The following RASGRP3 variants were observed in gnomAD, a reference collection of about 807,000 sequenced individuals.
The protein encoded by RASGRP3 is RAS guanyl releasing protein 3.
Under a neutral mutation model 82.7 loss-of-function variants are expected in RASGRP3, and 54 were observed. The observed-to-expected ratio is 0.65, with a 90% CI of 0.52 to 0.82. The LOEUF (loss-of-function observed/expected upper bound fraction) is 0.82, where lower values mean the gene tolerates loss of function less well. Among genes scored for constraint, RASGRP3 ranks in the 40% least tolerant of loss-of-function variants. The pLI is 0.00. For synonymous variants in RASGRP3, 309 were observed against 300.5 expected (o/e 1.03, Z -0.29); for missense variants, 861 against 828.9 (o/e 1.04, Z -0.48).
At position 33,535,470 on chromosome 2, in the gene RASGRP3, T is replaced by C. The variant is rs144163985; in HGVS notation, c.1161+1070T>C. Among the ~76,000 whole-genome samples, 263 of 152,352 alleles carry C rather than the reference T, an allele frequency of 1.7e-3. 1 individual carries two copies. Among genetic ancestry groups the C allele is most frequent in the African/African-American group, 6.1e-3 (255 of 41,574 alleles). On this transcript the variant is annotated intron_variant, in intron 11 of 17. Transcript: ENST00000403687. The stretch of plus-strand genomic sequence containing the variant: ...CTTACCAGCTGAACTCTGTAACATA[T>C]TGGCAGTGACTATGCCCCCTAAGTT...
chr2:33,533,013 A>G (rs574294009), intron 10 of RASGRP3: 6 of 152,134 alleles, frequency 3.9e-5, no homozygotes, highest in African/African-American at 2.4e-5. Flanking sequence ...TTTCCCCCAC[A>G]CTCCACCTCA....
At chr2:33,555,448 C>T in intron 14 of RASGRP3, 83 bp from the exon 15 acceptor site, 3 of 1,261,644 alleles carry the variant, frequency 2.4e-6, no homozygotes, top group Non-Finnish European at 3.4e-6. Flanking sequence ...CCTGAAGCTT[C>T]CCAGGACTTC....
chr2:33,552,424 C>T (rs1229312039), intron 14 of RASGRP3, among the ~76,000 whole-genome samples: 1 of 152,182 alleles, frequency 6.6e-6, no homozygotes, highest in African/African-American at 2.4e-5. Context: ...TTCCTTGATA[C>T]TTTGAGAGTT....
intron 4 of RASGRP3, among the ~76,000 whole-genome samples, chr2:33,519,489 T>C (rs1671802357): frequency 6.6e-6 from 1 of 152,000 alleles, no homozygotes; most frequent in Non-Finnish European, 1.5e-5. Flanking sequence ...GTTGGCGGGT[T>C]CCCACTACTA....
chr2:33,545,426 T>C (rs1173035447), intron 13 of RASGRP3, among the ~76,000 whole-genome samples: 2 of 152,246 alleles, frequency 1.3e-5, no homozygotes, highest in African/African-American at 2.4e-5. Context: ...TCTCATTAAA[T>C]AGGTGTCTTT....
At position 33,558,265 on chromosome 2, in the gene RASGRP3, G is replaced by A. The variant is rs1017316019; in HGVS notation, c.1634G>A (p.Arg545Lys). Residue 545 changes from arginine (R) to lysine (K), a missense_variant, in exon 16 of 18, where the codon AGG (arginine) becomes AAG (lysine). Transcript: ENST00000403687. ...QCKDLLVLAC[R>K]RFARAPSLSS... is the part of the protein sequence containing the mutation. ...AAAGACCTCCTGGTTCTGGCCTGCAGGAGATTTGCCCGGGCGCCCTCCTTG... is the reference window on the plus strand; with the variant it reads ...AAAGACCTCCTGGTTCTGGCCTGCAAGAGATTTGCCCGGGCGCCCTCCTTG... 4 of 1,612,624 alleles carry A rather than the reference G, an allele frequency of 2.5e-6. No homozygotes were observed. Among genetic ancestry groups the A allele is most frequent in the Non-Finnish European group, 3.4e-6 (4 of 1,179,670 alleles).
At position 33,540,523 on chromosome 2, in the gene RASGRP3, TTC is replaced by T. The variant is rs755061258; in HGVS notation, c.1278+1333_1278+1334del. ...GACTTCCTCAGTCCACATGCGGAAT[TTC>T]TCTCTCTCTCTCTCTCTCTGTGTGT... On this transcript the variant is annotated intron_variant, in intron 12 of 17. Coordinates refer to ENST00000403687, the MANE Select transcript of RASGRP3 (RefSeq NM_001139488.2). Among the ~76,000 whole-genome samples, 483 of 125,422 alleles carry T rather than the reference TTC, an allele frequency of 3.9e-3. 13 individuals are homozygous for T. The highest frequency in any genetic ancestry group is 8.7e-3 in the African/African-American group (309 of 35,466). The allele number at this position is 125,422 out of a possible 152,430, so 82.3% of individuals were successfully genotyped here.
At chr2:33,508,893 G>A (rs529395661) in intron 1 of RASGRP3, among the ~76,000 whole-genome samples, 1 of 152,270 alleles carries the variant, frequency 6.6e-6, no homozygotes, top group South Asian at 2.1e-4. Flanking sequence ...CTGGAACAAT[G>A]TTTGTGGCAA....
rs1261206040 is a variant in RASGRP3, at chr2:33,440,110, G to T, written c.-385+3519G>T. Among the ~76,000 whole-genome samples, 5 of 152,174 alleles carry T rather than the reference G, an allele frequency of 3.3e-5. No homozygotes were observed. In the East Asian group the frequency reaches 7.7e-4, roughly 23 times the overall value. On this transcript the variant is annotated intron_variant, in intron 1 of 18. Coordinates refer to the RASGRP3 transcript ENST00000402538. ...AGGTCAGGGAGTTAGTGAGAGGGATGGGGATTTTGGTTTCAAACACAGGAA... is the reference window on the plus strand; with the variant it reads ...AGGTCAGGGAGTTAGTGAGAGGGATTGGGATTTTGGTTTCAAACACAGGAA...
intron 11 of RASGRP3, among the ~76,000 whole-genome samples, 173 bp downstream of exon 11, chr2:33,534,573 G>C (rs1292709093): frequency 6.6e-6 from 1 of 151,786 alleles, no homozygotes; most frequent in Non-Finnish European, 1.5e-5. Flanking sequence ...CTGTTGCCTG[G>C]GCTGGAGTGC....
At chr2:33,483,486 A>AT (rs202150682) in intron 1 of RASGRP3, among the ~76,000 whole-genome samples, 35,367 of 125,558 alleles carry the variant, frequency 0.28, 5,791 homozygotes, top group East Asian at 0.4. Context: ...TTTAGCCACT[A>AT]TTTTTTTTTT....
In RASGRP3 at chr2:33,558,795, C is replaced by A; in HGVS notation, c.1829C>A (p.Thr610Asn). The change falls in exon 17 of 18, where the codon ACC (threonine) becomes AAC (asparagine). Residue 610 changes from threonine to asparagine, a missense_variant. Thr to Asn is a moderately conservative substitution (Grantham distance 65, BLOSUM62 0). Coordinates refer to ENST00000403687, the MANE Select transcript of RASGRP3 (RefSeq NM_001139488.2). ...TCTGTGAGGCTACAGAGGGCCACCA[C>A]CAGCCAGGCCACCCAGACTGAACCT... ...KISVRLQRAT[T>N]SQATQTEPVW... 2 of 1,614,006 alleles carry A rather than the reference C, an allele frequency of 1.2e-6. No homozygotes were observed. The highest frequency in any genetic ancestry group is 1.7e-6 in the Non-Finnish European group (2 of 1,179,900).
chr2:33,488,546 G>GA lies in RASGRP3; in HGVS notation c.-261+11847dup, dbSNP rs553201368. Among the ~76,000 whole-genome samples, 78 of 151,956 alleles carry GA rather than the reference G, an allele frequency of 5.1e-4. 1 individual carries two copies. In the South Asian group the frequency reaches 0.015, roughly 29 times the overall value. On this transcript the variant is annotated intron_variant, in intron 1 of 17. Transcript: ENST00000403687. ...AAAAAAGAACTCTCCATACACAATG[G>GA]AAAAAAAATGCCTGTGTTCATATTT...
rs1666822449 is a variant in RASGRP3 at position 33,468,030 on chromosome 2, TTCTTTCTTTCTTTCTC to T, written c.-261+20092_-261+20107del. On this transcript the variant is annotated intron_variant, in intron 2 of 18. Coordinates refer to the RASGRP3 transcript ENST00000402538. Reference sequence around the variant, plus strand: ...TTTCTTTCTTTCTTTCTTTCTTTCTTTCTTTCTTTCTTTCTCTCTTAGTGTACATGATTTGTTTTTT... The same window carrying T: ...TTTCTTTCTTTCTTTCTTTCTTTCTTTCTTAGTGTACATGATTTGTTTTTT... Among the ~76,000 whole-genome samples, 4 of 127,554 alleles carry T rather than the reference TTCTTTCTTTCTTTCTC, an allele frequency of 3.1e-5. No homozygotes were observed. In the Admixed American group the frequency reaches 3.4e-4, roughly 11 times the overall value. The allele number at this position is 127,554 out of a possible 152,430, so 83.7% of individuals were successfully genotyped here. A position where few individuals can be genotyped will look rare whatever the true frequency, so the allele number is the denominator to read the frequency against.
chr2:33,494,614 A>G (rs1669150152), intron 1 of RASGRP3, among the ~76,000 whole-genome samples: 2 of 152,194 alleles, frequency 1.3e-5, no homozygotes, highest in African/African-American at 4.8e-5. Flanking sequence ...TATACTCACT[A>G]TAGTGTGTGG....
Position 33,515,283 on chromosome 2 carries a change from T to A in RASGRP3, c.70+77T>A, listed in dbSNP as rs1440496130. 14 of 1,494,298 alleles carry A rather than the reference T, an allele frequency of 9.4e-6. No individual in the cohort carries two copies. The South Asian group carries it at 1.6e-4, about 17-fold the overall frequency. 92.6% of individuals were successfully genotyped at this position (1,494,298 alleles called of 1,614,324 possible). Reference sequence around the variant, plus strand: ...TTCCTCTATTCAGAGGCAAGTTGCTTGTAGAACAGAGTTCAGTCTCTGTAC... The same window carrying A: ...TTCCTCTATTCAGAGGCAAGTTGCTAGTAGAACAGAGTTCAGTCTCTGTAC... On this transcript the variant is annotated intron_variant, in intron 3 of 17. Coordinates refer to ENST00000403687, the MANE Select transcript of RASGRP3 (RefSeq NM_001139488.2).
intron 5 of RASGRP3, 117 bp from the exon 6 acceptor site, chr2:33,520,436 G>GTGGCCCTGGA: frequency 1.5e-6 from 2 of 1,298,490 alleles, no homozygotes; most frequent in Non-Finnish European, 2.2e-6. Flanking sequence ...AATTTGAAGT[G>GTGGCCCTGGA]TGGTCCTGGA....
At position 33,484,736 on chromosome 2, in the gene RASGRP3, G is replaced by A. The variant is rs369202785; in HGVS notation, c.-261+8029G>A. The stretch of plus-strand genomic sequence containing the variant: ...AACGCTTATTTTCACATCACTCAGA[G>A]GTAGACAGATTAGCACTCTTGCAGA... On this transcript the variant is annotated intron_variant, in intron 1 of 17. Coordinates refer to ENST00000403687, the MANE Select transcript of RASGRP3 (RefSeq NM_001139488.2). Among the ~76,000 whole-genome samples, 6 of 152,236 alleles carry A rather than the reference G, an allele frequency of 3.9e-5. No individual in the cohort carries two copies. In the East Asian group the frequency reaches 9.6e-4, roughly 24 times the overall value.
At chr2:33,462,940 G>C (rs922827832) in intron 2 of RASGRP3, among the ~76,000 whole-genome samples, 4 of 152,088 alleles carry the variant, frequency 2.6e-5, no homozygotes, top group Non-Finnish European at 4.4e-5. Context: ...GAAATGCAGA[G>C]GTTGCCTCAG....
Sources: gnomAD v4.1 joint callset for allele counts (sites outside exome capture counted in the v4.1 genomes callset) on GRCh38, gnomAD v4.1.1 for gene constraint, MANE v1.5 for transcripts, NCBI Gene and HGNC (gene_info 2026-07-23, HGNC 2026-07-21) for gene names.